ITIH4: variants seen among roughly 807,000 people sequenced by gnomAD.
ITIH4 encodes the protein inter-alpha-trypsin inhibitor heavy chain 4, also known as inter-alpha-trypsin inhibitor heavy chain H4.
Under a neutral mutation model 111.8 loss-of-function variants are expected in ITIH4, and 79 were observed. That is an observed-to-expected ratio of 0.71 (90% confidence interval 0.59 to 0.85). The LOEUF (loss-of-function observed/expected upper bound fraction) is 0.85, where lower values mean the gene tolerates loss of function less well. ITIH4 is among the 40% of genes least tolerant of loss of function. The pLI is 0.00. For missense variants in ITIH4, 1,065 were observed against 1,195.8 expected (o/e 0.89, Z 1.61); for synonymous variants, 472 against 468.3 (o/e 1.01, Z -0.10).
At chr3:52,814,562 G>T (rs950539638) in intron 21 of ITIH4, among the ~76,000 whole-genome samples, 199 bp from the exon 22 acceptor site, 1 of 152,110 alleles carries the variant, frequency 6.6e-6, no homozygotes, top group Admixed American at 6.5e-5. Flanking sequence ...ATGATGTCTA[G>T]TTTCCCCATC....
At chr3:52,816,549 T>C (rs1277219161) in intron 21 of ITIH4, among the ~76,000 whole-genome samples, 1 of 152,148 alleles carries the variant, frequency 6.6e-6, no homozygotes, top group Non-Finnish European at 1.5e-5. Context: ...CTTCTGACTC[T>C]GGGCCAGGAT....
chr3:52,820,053 G>A (rs1700350541), intron 14 of ITIH4, 63 bp from the exon 15 acceptor site: 1 of 1,543,784 alleles, frequency 6.5e-7, no homozygotes, highest in Admixed American at 1.7e-5. Context: ...CCACTTGGAT[G>A]GGGACTGTAT....
At chr3:52,820,894 G>A in intron 12 of ITIH4, 97 bp downstream of exon 12, 1 of 1,547,034 alleles carries the variant, frequency 6.5e-7, no homozygotes, top group South Asian at 1.2e-5. Context: ...GCTTGGACAT[G>A]ATGCCAAGAC....
Position 52,818,295 on chromosome 3 carries a change from A to AT in ITIH4, c.2153-13_2153-12insA, listed in dbSNP as rs773488668. 1.3e-6 allele frequency: 2 copies of AT among 1,576,132 alleles called. No individual in the cohort carries two copies. The highest frequency in any genetic ancestry group is 1.7e-6 in the Non-Finnish European group (2 of 1,162,782). On this transcript the variant is annotated splice_polypyrimidine_tract_variant and intron_variant, in intron 18 of 23. Coordinates refer to ENST00000266041, the MANE Select transcript of ITIH4 (RefSeq NM_002218.5). ...TGTCATGGTTGTTTCTAAAAGAAGA[A>AT]AAAGTCTGGGTTTAGGCAGCCCCTT...
At position 52,826,622 on chromosome 3, in the gene ITIH4, G is replaced by T; in HGVS notation, c.549C>A (p.Gly183=). 6.2e-7 allele frequency: 1 copy of T among 1,614,090 alleles called. No individual in the cohort carries two copies. Among genetic ancestry groups the T allele is most frequent in the Non-Finnish European group, 8.5e-7 (1 of 1,179,996 alleles). ...TGCTCTCTGTCTCCAGAAAGCTGAT[G>T]CCCTGGGGCTCGAAGATGTGAATGT... is the stretch of plus-strand genomic sequence containing the variant. ...QMDIHIFEPQ[G]ISFLETESTF... Residue 183 remains glycine, a synonymous_variant, in exon 5 of 24, where the codon GGC becomes GGA. Coordinates refer to ENST00000266041, the MANE Select transcript of ITIH4 (RefSeq NM_002218.5).
Position 52,820,700 on chromosome 3 carries a change from T to A in ITIH4, c.1765A>T (p.Thr589Ser). Reference sequence around the variant, plus strand: ...TCGGGTTTGGTGACTACCATAGATGTGAGAGGCGTGACAAAGCTGTAGGCA... The same window carrying A: ...TCGGGTTTGGTGACTACCATAGATGAGAGAGGCGTGACAAAGCTGTAGGCA... Reference protein sequence around the residue: ...SLAYSFVTPLTSMVVTKPDDQ... With the variant: ...SLAYSFVTPLSSMVVTKPDDQ... The change falls in exon 13 of 24, where the codon ACA becomes TCA. Residue 589 changes from threonine (T) to serine (S), a missense_variant. Coordinates refer to ENST00000266041, the MANE Select transcript of ITIH4 (RefSeq NM_002218.5). 6.2e-7 allele frequency: 1 copy of A among 1,614,092 alleles called. No individual in the cohort carries two copies. Among genetic ancestry groups the A allele is most frequent in the Non-Finnish European group, 8.5e-7 (1 of 1,179,972 alleles).
At chr3:52,815,390 T>C (rs1373326257) in intron 21 of ITIH4, among the ~76,000 whole-genome samples, 5 of 151,456 alleles carry the variant, frequency 3.3e-5, no homozygotes, top group Admixed American at 1.3e-4. Context: ...ATTACAGGCG[T>C]GCCACCACAC....
chr3:52,825,090 C>T, intron 6 of ITIH4, 132 bp from the exon 7 acceptor site: 2 of 575,644 alleles, frequency 3.5e-6, no homozygotes. Flanking sequence ...GCTAACCTCC[C>T]CAAAACCTTG....
rs1211718913 is a variant in ITIH4 at position 52,818,147 on chromosome 3, G to C, written c.2201C>G (p.Ala734Gly). Residue 734 changes from alanine (A) to glycine (G), a missense_variant, in exon 20 of 24, where the codon GCC becomes GGC. Ala to Gly is a moderately conservative substitution (Grantham distance 60, BLOSUM62 0). Coordinates refer to ENST00000266041, the MANE Select transcript of ITIH4 (RefSeq NM_002218.5). Reference protein sequence around the residue: ...QTPAPIQAPSAILPLPGQSVE... With the variant: ...QTPAPIQAPSGILPLPGQSVE... ...ACTCTGCCCAGGCAGTGGCAGGATG[G>C]CAGAGGGAGCCTGTATGGGGGCTGG... 3.1e-6 allele frequency: 5 copies of C among 1,613,012 alleles called. No homozygotes were observed. Among genetic ancestry groups the C allele is most frequent in the Admixed American group, 1.7e-5 (1 of 59,944 alleles).
At chr3:52,828,075 G>C (rs1363970570) in intron 2 of ITIH4, among the ~76,000 whole-genome samples, 1 of 152,188 alleles carries the variant, frequency 6.6e-6, no homozygotes, top group Non-Finnish European at 1.5e-5. Context: ...CTCCCCCTGG[G>C]TAGGCAGTGC....
At chr3:52,813,591 G>T in intron 23 of ITIH4, 101 bp from the exon 24 acceptor site, 3 of 990,300 alleles carry the variant, frequency 3.0e-6, no homozygotes, top group African/African-American at 1.6e-5. Context: ...AGGGCAGGGA[G>T]TCCTGGCGTC....
intron 12 of ITIH4, 66 bp from the exon 13 acceptor site, chr3:52,820,851 C>T: frequency 6.4e-7 from 1 of 1,557,358 alleles, no homozygotes; most frequent in Non-Finnish European, 8.7e-7. Context: ...CCATCCAGCC[C>T]CTTCTGGGGA....
At position 52,813,357 on chromosome 3, in the gene ITIH4, A is replaced by G; in HGVS notation, c.*64T>C. 1 of 1,379,080 alleles carries G rather than the reference A, an allele frequency of 7.3e-7. No individual in the cohort carries two copies. Among genetic ancestry groups the G allele is most frequent in the Admixed American group, 1.7e-5 (1 of 59,678 alleles). The allele number at this position is 1,379,080 out of a possible 1,614,324, so 85.4% of individuals were successfully genotyped here. On this transcript the variant is annotated 3_prime_UTR_variant, in exon 24 of 24. Coordinates refer to ENST00000266041, the MANE Select transcript of ITIH4 (RefSeq NM_002218.5). ...TCCCCATGGTGGTCCAGGCCCCAGA[A>G]GCGGCCCTGCAGTTGCAGGGGGAAG...
rs375840840 is a variant in ITIH4, at chr3:52,820,330, A to G, written c.1835-13T>C. The G allele has an allele frequency of 2.4e-5, 39 of 1,607,474 alleles. No individual in the cohort carries two copies. Among genetic ancestry groups the G allele is most frequent in the Non-Finnish European group, 2.8e-5 (33 of 1,175,572 alleles). On this transcript the variant is annotated splice_polypyrimidine_tract_variant and intron_variant, in intron 13 of 23. Coordinates refer to ENST00000266041, the MANE Select transcript of ITIH4 (RefSeq NM_002218.5). ...CTGTTTCTACTTTCTGGATAAAACA[A>G]AGAGAGAGAGAGAGACAGACAGACA...
At chr3:52,818,868 G>C in intron 17 of ITIH4, 1 of 363,472 alleles carries the variant, frequency 2.8e-6, no homozygotes, top group Non-Finnish European at 5.1e-6. Flanking sequence ...CTCAGTGAAA[G>C]TAAAGGACAG....
intron 11 of ITIH4, 139 bp from the exon 12 acceptor site, chr3:52,821,269 G>C (rs1700376572): frequency 2.0e-6 from 2 of 988,144 alleles, no homozygotes; most frequent in Non-Finnish European, 3.0e-6. Context: ...CCTTTGAGTG[G>C]GGGTAAGGAG....
intron 20 of ITIH4, 102 bp from the exon 21 acceptor site, chr3:52,817,160 G>A (rs1700293491): frequency 1.1e-6 from 1 of 942,996 alleles, no homozygotes; most frequent in Non-Finnish European, 1.6e-6. Flanking sequence ...GAGTTCTGCA[G>A]CAGCTCCCTC....
In ITIH4 at chr3:52,826,553, C is replaced by T. The variant is rs777571259; in HGVS notation, c.618G>A (p.Gln206=). The change falls in exon 5 of 24, where the codon CAG becomes CAA. Residue 206 remains glutamine, a synonymous_variant. Transcript: ENST00000266041. The part of the protein sequence containing the change: ...NQLVDALTTW[Q]NKTKAHIRFK... ...ACAACAGGCCCACCTTGGTCTTATT[C>T]TGCCAGGTGGTGAGGGCGTCTACCA... 3.1e-6 allele frequency: 5 copies of T among 1,613,520 alleles called. No individual in the cohort carries two copies. The highest frequency in any genetic ancestry group is 4.2e-6 in the Non-Finnish European group (5 of 1,179,466).
At position 52,825,937 on chromosome 3, in the gene ITIH4, G is replaced by T. The variant is rs145303130; in HGVS notation, c.708C>A (p.Asn236Lys). The change falls in exon 6 of 24, where the codon AAC becomes AAA. Residue 236 changes from asparagine (N) to lysine (K), a missense_variant. Physicochemically the swap from Asn to Lys is moderately conservative, Grantham distance 94. Coordinates refer to ENST00000266041, the MANE Select transcript of ITIH4 (RefSeq NM_002218.5). Reference protein sequence around the residue: ...PEQQETVLDGNLIIRYDVDRA... With the variant: ...PEQQETVLDGKLIIRYDVDRA... ...GGTCCACATCATAGCGGATAATGAG[G>T]TTGCCGTCCAGGACTGTTTCTTGCT... The T allele has an allele frequency of 1.4e-5, 22 of 1,614,162 alleles. No individual in the cohort carries two copies. The African/African-American group carries it at 2.0e-4, about 15-fold the overall frequency.
Sources: gnomAD v4.1 joint callset for allele counts (sites outside exome capture counted in the v4.1 genomes callset) on GRCh38, gnomAD v4.1.1 for gene constraint, MANE v1.5 for transcripts, NCBI Gene and HGNC (gene_info 2026-07-23, HGNC 2026-07-21) for gene names.